Variants in FCN3 observed in about 807,000 individuals in gnomAD.
FCN3 encodes ficolin-3.
A neutral mutation model predicts 31.5 loss-of-function variants in FCN3; 28 were observed. That is an observed-to-expected ratio of 0.89 (90% CI 0.66 to 1.22). The LOEUF (loss-of-function observed/expected upper bound fraction) is 1.22. FCN3 is among the 50% of genes most tolerant of loss of function. The pLI, the probability that FCN3 is intolerant of heterozygous loss-of-function variation, is 0.00. For missense variants in FCN3, 351 were observed against 386.8 expected (o/e 0.91, Z 0.78); for synonymous variants, 124 against 147.4 (o/e 0.84, Z 1.15).
intron 5 of FCN3, among the ~76,000 whole-genome samples, chr1:27,372,697 G>A (rs527574109): frequency 3.8e-4 from 58 of 151,142 alleles, no homozygotes; most frequent in African/African-American, 1.3e-3. Context: ...TCACTCACGC[G>A]TTCCCTGCAA....
At chr1:27,374,686 A>C (rs1369073180) in intron 1 of FCN3, 42 bp downstream of exon 1, 2 of 1,199,260 alleles carry the variant, frequency 1.7e-6, no homozygotes, top group Non-Finnish European at 2.3e-6. Flanking sequence ...CCAGCGAGGG[A>C]ATGAGGAGTG....
rs191743297 is a variant in FCN3 at position 27,370,522 on chromosome 1, G to T, written c.658+74C>A. The T allele has an allele frequency of 5.3e-5, 70 of 1,330,286 alleles. No individual in the cohort carries two copies. In the African/African-American group the frequency reaches 9.1e-4, roughly 17 times the overall value. The allele number at this position is 1,330,286 out of a possible 1,614,324, so 82.4% of individuals were successfully genotyped here. On this transcript the variant is annotated intron_variant, in intron 7 of 7. Transcript: ENST00000270879. Reference sequence around the variant, plus strand: ...CACAGAGGAGACAGGATTGCCCTGGGTCATTCATGGGGGCAGTGGCAGCAC... The same window carrying T: ...CACAGAGGAGACAGGATTGCCCTGGTTCATTCATGGGGGCAGTGGCAGCAC...
At position 27,374,398 on chromosome 1, in the gene FCN3, C is replaced by T; in HGVS notation, c.145G>A (p.Ala49Thr). 4.3e-6 allele frequency: 7 copies of T among 1,613,964 alleles called. No individual in the cohort carries two copies. Among genetic ancestry groups the T allele is most frequent in the Non-Finnish European group, 5.9e-6 (7 of 1,179,948 alleles). ...CCCTTCTCCCCAGGACTTCCTGGAG[C>T]TCCGGGACAACTGGGCAGGAGGACA... Reference protein sequence around the residue: ...KVVLLPSCPGAPGSPGEKGAP... With the variant: ...KVVLLPSCPGTPGSPGEKGAP... Residue 49 changes from alanine to threonine, a missense_variant, in exon 2 of 8, where the codon GCT (alanine) becomes ACT (threonine). Coordinates refer to ENST00000270879, the MANE Select transcript of FCN3 (RefSeq NM_003665.4).
chr1:27,374,106 C>T, intron 2 of FCN3, 97 bp from the exon 3 acceptor site: 1 of 1,117,128 alleles, frequency 9.0e-7, no homozygotes, highest in Non-Finnish European at 1.3e-6. Context: ...ATCCCAGTTT[C>T]ACCCTTCACT....
In FCN3 at chr1:27,369,207, G is replaced by A; in HGVS notation, c.*29C>T. The A allele has an allele frequency of 6.2e-7, 1 of 1,612,862 alleles. No individual in the cohort carries two copies. Among genetic ancestry groups the A allele is most frequent in the East Asian group, 2.2e-5 (1 of 44,844 alleles). On this transcript the variant is annotated 3_prime_UTR_variant, in exon 8 of 8. Coordinates refer to ENST00000270879, the MANE Select transcript of FCN3 (RefSeq NM_003665.4). ...CTGACGATCCGGAAGCTGTACAGGAGAGATAAGGGCACTGGCTGCCAGAGT... is the reference window on the plus strand; with the variant it reads ...CTGACGATCCGGAAGCTGTACAGGAAAGATAAGGGCACTGGCTGCCAGAGT...
intron 5 of FCN3, among the ~76,000 whole-genome samples, chr1:27,371,369 A>G (rs1437105562): frequency 6.6e-6 from 1 of 152,156 alleles, no homozygotes. Flanking sequence ...TGAGGTCAGG[A>G]GTTTGAAACC....
At chr1:27,370,326 G>A (rs2016120122) in intron 7 of FCN3, 1 of 441,512 alleles carries the variant, frequency 2.3e-6, no homozygotes, top group African/African-American at 2.0e-5. Flanking sequence ...CCATTTTATA[G>A]AGGAGGAAAC....
At chr1:27,374,476 G>GA in intron 1 of FCN3, 25 bp from the exon 2 acceptor site, 1 of 1,502,676 alleles carries the variant, frequency 6.7e-7, no homozygotes, top group Non-Finnish European at 9.3e-7. Flanking sequence ...AGGCAGGGTG[G>GA]GCACAGGGTA....
intron 5 of FCN3, among the ~76,000 whole-genome samples, chr1:27,371,402 C>T (rs1416136392): frequency 6.6e-6 from 1 of 152,062 alleles, no homozygotes; most frequent in Non-Finnish European, 1.5e-5. Flanking sequence ...ATGGTGAAAT[C>T]CCGTCTCTAC....
At chr1:27,370,352 G>A in intron 7 of FCN3, 1 of 514,450 alleles carries the variant, frequency 1.9e-6, no homozygotes, top group Non-Finnish European at 3.5e-6. Flanking sequence ...CTCAGTGGAG[G>A]GGTAGGACTT....
intron 5 of FCN3, among the ~76,000 whole-genome samples, chr1:27,372,520 T>C (rs1381165836): frequency 6.6e-6 from 1 of 152,238 alleles, no homozygotes; most frequent in African/African-American, 2.4e-5. Context: ...AGTGCTGGGA[T>C]TATAGGCGTG....
intron 3 of FCN3, 179 bp downstream of exon 3, chr1:27,373,786 C>A: frequency 1.5e-6 from 1 of 680,474 alleles, no homozygotes; most frequent in East Asian, 2.6e-5. Context: ...CCCTCCATCC[C>A]CAATAGGAGG....
At chr1:27,373,772 C>T in intron 3 of FCN3, 193 bp downstream of exon 3, 2 of 658,496 alleles carry the variant, frequency 3.0e-6, no homozygotes, top group Non-Finnish European at 5.3e-6. Flanking sequence ...CCCACTCCTC[C>T]CAGCCCTCCA....
In FCN3 at chr1:27,373,275, G is replaced by A. The variant is rs879007378; in HGVS notation, c.266-12C>T. ...GCAGTTTCTGGGGCCTGGGAAAGGG[G>A]AGATGGACTGGGGTGGTGCCCAGGT... On this transcript the variant is annotated splice_polypyrimidine_tract_variant and intron_variant, in intron 4 of 7. Coordinates refer to ENST00000270879, the MANE Select transcript of FCN3 (RefSeq NM_003665.4). 1.2e-6 allele frequency: 2 copies of A among 1,614,042 alleles called. No individual in the cohort carries two copies. The highest frequency in any genetic ancestry group is 1.1e-5 in the South Asian group (1 of 91,080).
At chr1:27,374,129 G>T in intron 2 of FCN3, 120 bp from the exon 3 acceptor site, 2 of 927,340 alleles carry the variant, frequency 2.2e-6, no homozygotes, top group South Asian at 1.5e-5. Context: ...CTTTGTGATT[G>T]CGGGCAAATA....
At chr1:27,372,012 C>T (rs564630068) in intron 5 of FCN3, among the ~76,000 whole-genome samples, 90 of 152,162 alleles carry the variant, frequency 5.9e-4, no homozygotes, top group African/African-American at 4.6e-4. Context: ...CCACCCACCT[C>T]GGCCTCCCAA....
chr1:27,372,632 T>G (rs1194604740), intron 5 of FCN3, among the ~76,000 whole-genome samples: 1 of 152,198 alleles, frequency 6.6e-6, no homozygotes, highest in Non-Finnish European at 1.5e-5. Context: ...AGGTCCTCAA[T>G]CCATGTTCCG....
At chr1:27,373,402 G>A in intron 4 of FCN3, 86 bp downstream of exon 4, 1 of 1,597,172 alleles carries the variant, frequency 6.3e-7, no homozygotes, top group South Asian at 1.1e-5. Context: ...GGAGGCTGTG[G>A]GGAGGATCTT....
intron 5 of FCN3, among the ~76,000 whole-genome samples, chr1:27,371,559 G>C (rs777812168): frequency 3.9e-5 from 6 of 152,054 alleles, no homozygotes; most frequent in Non-Finnish European, 8.8e-5. Context: ...CTGGGCAGCA[G>C]AGCAAGACTC....
Sources: gnomAD v4.1 joint callset for allele counts (sites outside exome capture counted in the v4.1 genomes callset) on GRCh38, gnomAD v4.1.1 for gene constraint, MANE v1.5 for transcripts, NCBI Gene and HGNC (gene_info 2026-07-23, HGNC 2026-07-21) for gene names.